The following SLIT3 variants were observed in gnomAD, a reference collection of about 807,000 sequenced individuals.
SLIT3 encodes the protein slit guidance ligand 3, also known as slit homolog 3 protein.
Under a neutral mutation model 184.0 loss-of-function variants are expected in SLIT3, and 68 were observed. The observed-to-expected ratio is 0.37, with a 90% CI of 0.30 to 0.45. The LOEUF (loss-of-function observed/expected upper bound fraction) is 0.45, where lower values mean the gene tolerates loss of function less well. SLIT3 is among the 20% of genes least tolerant of loss of function. SLIT3 has a pLI of 1.00. For missense variants in SLIT3, 1,707 were observed against 2,026.0 expected, an observed-to-expected ratio of 0.84 and a Z score of 3.02; for synonymous variants, 831 against 828.6, an observed-to-expected ratio of 1.00 and a Z score of -0.05.
At chr5:168,918,258 A>T (rs986127336) in intron 4 of SLIT3, among the ~76,000 whole-genome samples, 29 of 152,242 alleles carry the variant, frequency 1.9e-4, no homozygotes, top group Non-Finnish European at 3.7e-4. Flanking sequence ...AGCTGCATTT[A>T]AAAACGACTT....
At chr5:168,933,774 C>A (rs1233943273) in intron 4 of SLIT3, among the ~76,000 whole-genome samples, 1 of 152,010 alleles carries the variant, frequency 6.6e-6, no homozygotes, top group African/African-American at 2.4e-5. Context: ...CGTCAAAGGC[C>A]AATGGGAGAG....
At chr5:169,252,670 G>T (rs1252933986) in intron 1 of SLIT3, among the ~76,000 whole-genome samples, 1 of 152,082 alleles carries the variant, frequency 6.6e-6, no homozygotes, top group Non-Finnish European at 1.5e-5. Context: ...AGGTATCTGT[G>T]AATTGTCTTT....
chr5:168,752,299 T>G (rs1186077359), intron 18 of SLIT3: 1 of 152,396 alleles, frequency 6.6e-6, no homozygotes, highest in East Asian at 1.9e-4. Context: ...CCCTTCCCTC[T>G]GAAGGAACTG....
At chr5:168,883,752 G>A (rs1561985861) in intron 4 of SLIT3, among the ~76,000 whole-genome samples, 1 of 147,892 alleles carries the variant, frequency 6.8e-6, no homozygotes, top group Admixed American at 6.9e-5. Context: ...ATCTCTCAGT[G>A]CTGTCCTCTG....
At chr5:169,264,014 C>A (rs1465379378) in intron 1 of SLIT3, among the ~76,000 whole-genome samples, 1 of 150,968 alleles carries the variant, frequency 6.6e-6, no homozygotes, top group African/African-American at 2.4e-5. Context: ...TCAGTATTAT[C>A]AATGTTTTCT....
chr5:169,297,934 A>G (rs1767562155), intron 1 of SLIT3, among the ~76,000 whole-genome samples: 1 of 152,258 alleles, frequency 6.6e-6, no homozygotes, highest in Non-Finnish European at 1.5e-5. Flanking sequence ...GAAGGCAGGA[A>G]TAAATGAGTG....
At chr5:169,243,363 T>G (rs1302133567) in intron 3 of SLIT3, among the ~76,000 whole-genome samples, 1 of 152,234 alleles carries the variant, frequency 6.6e-6, no homozygotes, top group Admixed American at 6.5e-5. Context: ...TTCTCTTTGG[T>G]CTAAATAAGA....
At chr5:169,299,886 G>C (rs1209653886) in intron 1 of SLIT3, among the ~76,000 whole-genome samples, 1 of 151,058 alleles carries the variant, frequency 6.6e-6, no homozygotes, top group Non-Finnish European at 1.5e-5. Context: ...ATTTATAACC[G>C]AGCCATAAAA....
chr5:168,749,426 C>T (rs775487317), intron 19 of SLIT3, 46 bp downstream of exon 19: 7 of 1,608,106 alleles, frequency 4.4e-6, no homozygotes, highest in Non-Finnish European at 6.0e-6. Flanking sequence ...ATCTTCCTTG[C>T]CTTCCCAGGG....
intron 12 of SLIT3, among the ~76,000 whole-genome samples, chr5:168,778,025 G>A (rs1755821409): frequency 6.6e-6 from 1 of 152,158 alleles, no homozygotes. Flanking sequence ...CCTGAACACA[G>A]GCCTCCCTCT....
At chr5:168,865,744 T>A (rs1759275921) in intron 5 of SLIT3, among the ~76,000 whole-genome samples, 1 of 152,250 alleles carries the variant, frequency 6.6e-6, no homozygotes, top group Non-Finnish European at 1.5e-5. Flanking sequence ...CAAATTCCTA[T>A]CACTTATAGT....
Position 168,865,790 on chromosome 5 carries a change from CT to C in SLIT3, c.485+17474del, listed in dbSNP as rs377010989. ...TATCATTTGGTTTATGTCCTTCAGG[CT>C]TTTTTCCCCATGCAAATATATACAT... On this transcript the variant is annotated intron_variant, in intron 5 of 35. Transcript: ENST00000519560. Among the ~76,000 whole-genome samples the C allele has an allele frequency of 1.8e-4, 28 of 152,246 alleles. No homozygotes were observed. The East Asian group carries it at 4.6e-3, about 25-fold the overall frequency.
chr5:168,961,606 C>T (rs571082201), intron 4 of SLIT3, among the ~76,000 whole-genome samples: 1 of 152,118 alleles, frequency 6.6e-6, no homozygotes, highest in African/African-American at 2.4e-5. Flanking sequence ...GATCTGAGAA[C>T]AAGGTGAACC....
intron 4 of SLIT3, among the ~76,000 whole-genome samples, chr5:169,141,299 C>T (rs1761728053): frequency 6.6e-6 from 1 of 152,200 alleles, no homozygotes; most frequent in African/African-American, 2.4e-5. Context: ...AGCAAATCCA[C>T]TGCAACAAAG....
intron 16 of SLIT3, among the ~76,000 whole-genome samples, chr5:168,756,136 G>A (rs887948582): frequency 4.6e-5 from 7 of 152,120 alleles, no homozygotes; most frequent in South Asian, 2.1e-4. Flanking sequence ...TGGCGGGCTC[G>A]CAGAGATAGA....
At chr5:169,175,870 CTA>C (rs1561715962) in intron 4 of SLIT3, among the ~76,000 whole-genome samples, 3 of 152,196 alleles carry the variant, frequency 2.0e-5, no homozygotes, top group African/African-American at 4.8e-5. Context: ...AGAGCCATGA[CTA>C]TGTCTCCATG....
intron 13 of SLIT3, among the ~76,000 whole-genome samples, chr5:168,773,330 G>C (rs1755630417): frequency 6.6e-6 from 1 of 152,154 alleles, no homozygotes; most frequent in Non-Finnish European, 1.5e-5. Flanking sequence ...GGCACATAAA[G>C]CAGCTGGCAC....
chr5:169,073,582 TG>T (rs1316962865), intron 4 of SLIT3, among the ~76,000 whole-genome samples: 1 of 152,000 alleles, frequency 6.6e-6, no homozygotes, highest in Non-Finnish European at 1.5e-5. Flanking sequence ...ATGTTGGAGG[TG>T]GGGCCTAGTG....
intron 4 of SLIT3, among the ~76,000 whole-genome samples, chr5:169,096,564 T>C (rs564581918): frequency 6.6e-6 from 1 of 152,324 alleles, no homozygotes; most frequent in South Asian, 2.1e-4. Context: ...AAAATAGCCA[T>C]TGGACAGAAT....
Sources: allele counts gnomAD v4.1 joint callset (sites outside exome capture counted in the v4.1 genomes callset), GRCh38; gene constraint gnomAD v4.1.1; transcripts MANE v1.5; gene names NCBI Gene and HGNC (gene_info 2026-07-23, HGNC 2026-07-21).